The following LRRTM4 variants were observed in gnomAD, a reference collection of about 807,000 sequenced individuals.
LRRTM4 encodes leucine rich repeat transmembrane neuronal 4.
A neutral mutation model predicts 47.6 loss-of-function variants in LRRTM4; 25 were observed. The observed-to-expected ratio is 0.53, with a 90% confidence interval of 0.38 to 0.73. LRRTM4 has a LOEUF of 0.73. LRRTM4 is among the 30% of genes least tolerant of loss of function. The pLI, the probability that LRRTM4 is intolerant of heterozygous loss-of-function variation, is 0.00. For missense variants in LRRTM4, 638 were observed against 713.4 expected, an observed-to-expected ratio of 0.89 and a Z score of 1.20; for synonymous variants, 311 against 269.5, an observed-to-expected ratio of 1.15 and a Z score of -1.51.
At chr2:76,771,111 C>A (rs1489668889) in intron 3 of LRRTM4, among the ~76,000 whole-genome samples, 1 of 144,384 alleles carries the variant, frequency 6.9e-6, no homozygotes, top group African/African-American at 2.7e-5. Context: ...AGTTTCTAAT[C>A]CAGATTTAAT....
chr2:77,099,454 T>G (rs116725837), intron 3 of LRRTM4, among the ~76,000 whole-genome samples: 6,899 of 151,954 alleles, frequency 0.045, 180 homozygotes, highest in South Asian at 0.078. Flanking sequence ...TATATTTGGG[T>G]GTGTGTGTGT....
chr2:77,336,786 C>G (rs1671183531), intron 3 of LRRTM4, among the ~76,000 whole-genome samples: 1 of 152,098 alleles, frequency 6.6e-6, no homozygotes, highest in South Asian at 2.1e-4. Flanking sequence ...AAGTTGGAAG[C>G]ATTCCCCTAA....
chr2:76,800,984 A>T (rs1228002105), intron 3 of LRRTM4, among the ~76,000 whole-genome samples: 1 of 148,806 alleles, frequency 6.7e-6, no homozygotes. Flanking sequence ...CACCAGTTAG[A>T]ATGGCAATCA....
chr2:76,957,587 T>C (rs2103903036), intron 3 of LRRTM4, among the ~76,000 whole-genome samples: 1 of 151,912 alleles, frequency 6.6e-6, no homozygotes, highest in African/African-American at 2.4e-5. Context: ...CTGTTTTCTA[T>C]TCCAGAATTA....
intron 3 of LRRTM4, among the ~76,000 whole-genome samples, chr2:76,830,588 A>G (rs1286880618): frequency 6.6e-6 from 1 of 151,026 alleles, no homozygotes; most frequent in Non-Finnish European, 1.5e-5. Flanking sequence ...GTGAAATGGA[A>G]GTAGAATATT....
intron 3 of LRRTM4, among the ~76,000 whole-genome samples, chr2:76,984,418 T>C (rs1306283945): frequency 6.6e-6 from 1 of 152,034 alleles, no homozygotes; most frequent in Non-Finnish European, 1.5e-5. Flanking sequence ...AAACAGCAGA[T>C]ACTGTTGCAT....
At chr2:77,420,920 A>G (rs1172224444) in intron 3 of LRRTM4, among the ~76,000 whole-genome samples, 4 of 148,532 alleles carry the variant, frequency 2.7e-5, no homozygotes, top group Admixed American at 2.0e-4. Flanking sequence ...GAGCACCTCA[A>G]ACATCCAGAT....
intron 3 of LRRTM4, among the ~76,000 whole-genome samples, chr2:77,347,387 A>C (rs1671601137): frequency 6.6e-6 from 1 of 152,204 alleles, no homozygotes; most frequent in African/African-American, 2.4e-5. Flanking sequence ...AAATACTTAC[A>C]GAAATGTATT....
chr2:77,437,639 A>G (rs1675655265), intron 3 of LRRTM4, among the ~76,000 whole-genome samples: 1 of 152,150 alleles, frequency 6.6e-6, no homozygotes, highest in Admixed American at 6.5e-5. Flanking sequence ...ATTAAAAATG[A>G]CATAAAAAGT....
intron 3 of LRRTM4, among the ~76,000 whole-genome samples, chr2:76,869,287 G>A (rs867272099): frequency 2.0e-5 from 3 of 151,574 alleles, no homozygotes; most frequent in Non-Finnish European, 4.4e-5. Flanking sequence ...CCAGCCTGGC[G>A]AGAGAGCAAG....
At chr2:77,037,626 T>C (rs914714170) in intron 3 of LRRTM4, among the ~76,000 whole-genome samples, 1 of 151,720 alleles carries the variant, frequency 6.6e-6, no homozygotes, top group Non-Finnish European at 1.5e-5. Flanking sequence ...CAAATATCCA[T>C]TAAAAATGTA....
chr2:77,212,474 TAGAGAG>T (rs35907246), intron 3 of LRRTM4, among the ~76,000 whole-genome samples: 3 of 136,956 alleles, frequency 2.2e-5, no homozygotes, highest in Admixed American at 7.5e-5. Flanking sequence ...TATATATATA[TAGAGAG>T]AGAGAGAGAG....
chr2:77,081,085 C>T lies in LRRTM4; in HGVS notation c.1552-332169G>A, dbSNP rs79355947. On this transcript the variant is annotated intron_variant, in intron 3 of 3. Coordinates refer to ENST00000409884, the MANE Select transcript of LRRTM4 (RefSeq NM_001134745.3). The stretch of plus-strand genomic sequence containing the variant: ...ATGTAATTTATCACCTTTCTCTAGT[C>T]TTTTCAGTTCTCATTGCCTTTGGTT... 7.9e-5 allele frequency among the ~76,000 whole-genome samples: 12 copies of T among 152,234 alleles called. No homozygotes were observed. In the East Asian group the frequency reaches 2.3e-3, roughly 29 times the overall value.
rs960445500 is a variant in LRRTM4 at position 76,841,266 on chromosome 2, G to A, written c.1552-92350C>T. Among the ~76,000 whole-genome samples the A allele has an allele frequency of 4.0e-5, 6 of 150,948 alleles. No homozygotes were observed. In the South Asian group the frequency reaches 1.1e-3, roughly 27 times the overall value. On this transcript the variant is annotated intron_variant, in intron 3 of 3. Coordinates refer to ENST00000409884, the MANE Select transcript of LRRTM4 (RefSeq NM_001134745.3). ...CAGGAAGGGGAACATCACACTCTGG[G>A]GACTGTTGTGGGGTGGGGGGAGTGG...
intron 3 of LRRTM4, among the ~76,000 whole-genome samples, chr2:76,924,506 A>G (rs964701194): frequency 6.6e-6 from 1 of 151,994 alleles, no homozygotes; most frequent in African/African-American, 2.4e-5. Flanking sequence ...TTTAAAAGAT[A>G]TTGCTAAACT....
chr2:76,750,551 T>G (rs2104050054), intron 3 of LRRTM4, among the ~76,000 whole-genome samples: 1 of 152,348 alleles, frequency 6.6e-6, no homozygotes, highest in South Asian at 2.1e-4. Context: ...GTTTGAATCC[T>G]TCTGTATCTA....
chr2:77,049,290 A>G (rs1579871), intron 3 of LRRTM4, among the ~76,000 whole-genome samples: 18,201 of 150,388 alleles, frequency 0.12, 1,387 homozygotes, highest in Admixed American at 0.19. Flanking sequence ...TGACATATTG[A>G]TTTCTTTTCC....
intron 3 of LRRTM4, among the ~76,000 whole-genome samples, chr2:76,856,674 G>A (rs543069324): frequency 2.0e-5 from 3 of 151,970 alleles, no homozygotes; most frequent in Admixed American, 1.3e-4. Flanking sequence ...TCAGTAAAAT[G>A]TTTTATTGCC....
At chr2:76,785,355 A>G (rs1674618114) in intron 3 of LRRTM4, among the ~76,000 whole-genome samples, 1 of 152,170 alleles carries the variant, frequency 6.6e-6, no homozygotes, top group East Asian at 1.9e-4. Flanking sequence ...AGCAAAATAG[A>G]GCATCAACTT....
Sources: gnomAD v4.1 joint callset for allele counts (sites outside exome capture counted in the v4.1 genomes callset) on GRCh38, gnomAD v4.1.1 for gene constraint, MANE v1.5 for transcripts, NCBI Gene and HGNC (gene_info 2026-07-23, HGNC 2026-07-21) for gene names.